Variants in PTPN4 observed in about 807,000 individuals in gnomAD.
PTPN4 encodes protein tyrosine phosphatase non-receptor type 4.
A neutral mutation model predicts 135.5 loss-of-function variants in PTPN4; 49 were observed. That is an observed-to-expected ratio of 0.36 (90% CI 0.29 to 0.46). The LOEUF (loss-of-function observed/expected upper bound fraction) is 0.46, where lower values mean the gene tolerates loss of function less well. Ranked by LOEUF, PTPN4 falls within the 20% of genes least tolerant of loss-of-function variation. The probability of loss-of-function intolerance (pLI) is 1.00; values close to 1 mark genes in which losing one functional copy is unlikely to be tolerated. For synonymous variants in PTPN4, 333 were observed against 369.9 expected (o/e 0.90, Z 1.14); for missense variants, 860 against 1,101.0 (o/e 0.78, Z 3.10).
At chr2:119,793,846 GTTTTTTTTTTTTTTTT>G (rs55956611) in intron 1 of PTPN4, among the ~76,000 whole-genome samples, 4 of 24,802 alleles carry the variant, frequency 1.6e-4, no homozygotes, top group African/African-American at 3.7e-4. Context: ...TTCATTTTTA[GTTTTTTTTTTTTTTTT>G]TTTTTTTTTT....
intron 2 of PTPN4, among the ~76,000 whole-genome samples, chr2:119,811,642 T>C (rs1413214338): frequency 6.6e-6 from 1 of 152,142 alleles, no homozygotes. Flanking sequence ...TAGAATTCTT[T>C]TTTGGAAAAG....
At chr2:119,869,218 C>G (rs1215929735) in intron 3 of PTPN4, among the ~76,000 whole-genome samples, 4 of 152,202 alleles carry the variant, frequency 2.6e-5, no homozygotes, top group Non-Finnish European at 5.9e-5. Context: ...AAAAGCAGAT[C>G]AGTGGTTGCC....
At chr2:119,820,874 C>T (rs1474758066) in intron 2 of PTPN4, among the ~76,000 whole-genome samples, 2 of 124,226 alleles carry the variant, frequency 1.6e-5, no homozygotes, top group African/African-American at 3.0e-5. Flanking sequence ...CACAGCTTTA[C>T]ATACACACAT....
chr2:119,891,433 G>A (rs10201214), intron 9 of PTPN4, among the ~76,000 whole-genome samples: 44,463 of 151,794 alleles, frequency 0.29, 6,700 homozygotes, highest in African/African-American at 0.36. Context: ...AGTGATTCTC[G>A]TGCCTCAGCC....
At chr2:119,819,599 C>T (rs958183547) in intron 2 of PTPN4, among the ~76,000 whole-genome samples, 4 of 152,082 alleles carry the variant, frequency 2.6e-5, no homozygotes, top group African/African-American at 9.7e-5. Flanking sequence ...AAAGATGGAA[C>T]CCTAAACAGC....
intron 1 of PTPN4, among the ~76,000 whole-genome samples, chr2:119,799,366 A>G (rs1691321274): frequency 6.6e-6 from 1 of 152,274 alleles, no homozygotes; most frequent in African/African-American, 2.4e-5. Context: ...CAAACAAATT[A>G]GTAGAACATT....
chr2:119,868,523 A>C (rs532236046), intron 3 of PTPN4, among the ~76,000 whole-genome samples: 1 of 152,346 alleles, frequency 6.6e-6, no homozygotes, highest in South Asian at 2.1e-4. Flanking sequence ...AAATCTCTGC[A>C]GCACTGTGAC....
At chr2:119,878,782 A>G (rs1678022418) in intron 5 of PTPN4, among the ~76,000 whole-genome samples, 1 of 151,026 alleles carries the variant, frequency 6.6e-6, no homozygotes, top group Non-Finnish European at 1.5e-5. Flanking sequence ...AGTAGAATCC[A>G]AGCTAATTCC....
At chr2:119,816,033 A>T (rs1676980715) in intron 2 of PTPN4, among the ~76,000 whole-genome samples, 1 of 152,208 alleles carries the variant, frequency 6.6e-6, no homozygotes, top group African/African-American at 2.4e-5. Flanking sequence ...ACAGGCATAC[A>T]TCCTGAGAAA....
intron 1 of PTPN4, among the ~76,000 whole-genome samples, chr2:119,804,080 G>A (rs889661448): frequency 6.6e-6 from 1 of 151,908 alleles, no homozygotes; most frequent in Non-Finnish European, 1.5e-5. Flanking sequence ...GCTGGGCCAT[G>A]TACCCCATCC....
At chr2:119,933,222 A>G in intron 14 of PTPN4, among the ~76,000 whole-genome samples, 1 of 152,228 alleles carries the variant, frequency 6.6e-6, no homozygotes, top group East Asian at 1.9e-4. Flanking sequence ...GTTGTATGTA[A>G]TTAAGATAAT....
intron 9 of PTPN4, among the ~76,000 whole-genome samples, chr2:119,897,907 ATTGT>A (rs1484539992): frequency 1.3e-5 from 2 of 152,226 alleles, no homozygotes; most frequent in African/African-American, 2.4e-5. Flanking sequence ...AAATGATGTA[ATTGT>A]TTGTTGATGT....
chr2:119,771,240 G>A (rs927574047), intron 1 of PTPN4, among the ~76,000 whole-genome samples: 7 of 152,198 alleles, frequency 4.6e-5, no homozygotes, highest in African/African-American at 1.7e-4. Context: ...ATGTAGATGA[G>A]TGAATGATCC....
intron 9 of PTPN4, among the ~76,000 whole-genome samples, chr2:119,897,287 T>C (rs1678338940): frequency 1.3e-5 from 2 of 152,128 alleles, no homozygotes; most frequent in African/African-American, 4.8e-5. Context: ...TTATGCTATC[T>C]AGTATTTTTA....
In PTPN4 at chr2:119,965,606, A is replaced by G. The variant is rs1242643805; in HGVS notation, c.2519A>G (p.Lys840Arg). The G allele has an allele frequency of 6.2e-7, 1 of 1,614,148 alleles. No individual in the cohort carries two copies. The highest frequency in any genetic ancestry group is 1.7e-5 in the Admixed American group (1 of 60,014). The change falls in exon 25 of 27, where the codon AAG becomes AGG. Residue 840 changes from lysine to arginine, a missense_variant. This residue lies in a region of PTPN4 where 176 missense variants were observed against 294.1 expected (regional missense o/e 0.60). Transcript: ENST00000263708. ...FLDFVCHVRN[K>R]RAGKEEPVVV... Reference sequence around the variant, plus strand: ...GATTTTGTTTGTCATGTACGAAACAAGAGGGCTGGCAAGGAAGAACCCGTT... The same window carrying G: ...GATTTTGTTTGTCATGTACGAAACAGGAGGGCTGGCAAGGAAGAACCCGTT...
chr2:119,976,027 G>C (rs1476784673), intron 26 of PTPN4, among the ~76,000 whole-genome samples: 2 of 130,122 alleles, frequency 1.5e-5, no homozygotes, highest in Non-Finnish European at 3.2e-5. Flanking sequence ...ACGGAGTCTC[G>C]TTCTGTTGCC....
At chr2:119,805,384 G>A (rs1246448034) in intron 1 of PTPN4, among the ~76,000 whole-genome samples, 2 of 152,108 alleles carry the variant, frequency 1.3e-5, no homozygotes, top group Non-Finnish European at 2.9e-5. Context: ...GTCCTGAATG[G>A]TATTGCCTAG....
rs1678613830 is a variant in PTPN4 at position 119,914,147 on chromosome 2, GT to G, written c.765-1026del. Among the ~76,000 whole-genome samples, 8 of 147,526 alleles carry G rather than the reference GT, an allele frequency of 5.4e-5. 2 individuals are homozygous for G. In the South Asian group the frequency reaches 1.7e-3, roughly 32 times the overall value. ...TCTTGATCATTTAGAAATGAACAGT[GT>G]TTTTTGTTGTTTAACTTCTGAAATA... On this transcript the variant is annotated intron_variant, in intron 10 of 26. Coordinates refer to ENST00000263708, the MANE Select transcript of PTPN4 (RefSeq NM_002830.4).
At chr2:119,774,153 T>C (rs1005785491) in intron 1 of PTPN4, among the ~76,000 whole-genome samples, 9 of 152,204 alleles carry the variant, frequency 5.9e-5, no homozygotes, top group African/African-American at 2.2e-4. Context: ...TTTTTAGCTA[T>C]GTTTCATCAT....
Sources: gnomAD v4.1 joint callset for allele counts (sites outside exome capture counted in the v4.1 genomes callset) on GRCh38, gnomAD v4.1.1 for gene constraint, gnomAD v4.1.1 regional missense constraint, MANE v1.5 for transcripts, NCBI Gene and HGNC (gene_info 2026-07-23, HGNC 2026-07-21) for gene names.